The following GRHPR variants were observed in gnomAD, a reference collection of about 807,000 sequenced individuals.
GRHPR encodes glyoxylate and hydroxypyruvate reductase.
A neutral mutation model predicts 36.8 loss-of-function variants in GRHPR; 35 were observed. The observed-to-expected ratio is 0.95, with a 90% CI of 0.73 to 1.26. The LOEUF is 1.26. Ranked by LOEUF, GRHPR falls within the 50% of genes most tolerant of loss-of-function variation. The pLI is 0.00. For missense variants in GRHPR, 380 were observed against 435.0 expected, an observed-to-expected ratio of 0.87 and a Z score of 1.12; for synonymous variants, 179 against 181.0, an observed-to-expected ratio of 0.99 and a Z score of 0.09.
chr9:37,430,652 C>G lies in GRHPR; in HGVS notation c.734+6C>G. ...GTGTTCATCAACATCAGCAGGTATC[C>G]TAGGGCCACCTTACCCAGCAAGCCT... On this transcript the variant is annotated splice_donor_region_variant and intron_variant, in intron 7 of 8. Transcript: ENST00000318158. 3 of 1,612,908 alleles carry G rather than the reference C, an allele frequency of 1.9e-6. No homozygotes were observed. The highest frequency in any genetic ancestry group is 2.5e-6 in the Non-Finnish European group (3 of 1,179,004).
chr9:37,432,125 C>T lies in GRHPR; in HGVS notation c.852C>T (p.Thr284=), dbSNP rs375012546. ...TGCCTACAAACCACCCTCTCCTGAC[C>T]CTGAAGAACTGTGGTAAGAACTGCA... ...EPLPTNHPLL[T]LKNCVILPHI... is the part of the protein sequence containing the mutation. The change falls in exon 8 of 9, where the codon ACC becomes ACT. Residue 284 remains threonine, a synonymous_variant. Transcript: ENST00000318158. 2.7e-5 allele frequency: 43 copies of T among 1,613,848 alleles called. No individual in the cohort carries two copies. The highest frequency in any genetic ancestry group is 3.6e-5 in the Non-Finnish European group (42 of 1,179,882).
downstream of GRHPR, among the ~76,000 whole-genome samples, chr9:37,437,679 C>A (rs573637873): frequency 6.2e-3 from 576 of 92,636 alleles, 10 homozygotes; most frequent in South Asian, 0.055. Context: ...TCCCTGCCCC[C>A]AGGTGGATTT....
rs1823068984 is a variant in GRHPR, at chr9:37,426,210, A to G, written c.287+216A>G. On this transcript the variant is annotated intron_variant, in intron 3 of 8. Transcript: ENST00000318158. ...ACTTCTGTGTAGGTGGCACCCTTTC[A>G]CATTCATTATCTTTTTTGATCCCCA... The G allele has an allele frequency of 2.8e-5, 17 of 608,726 alleles. No individual in the cohort carries two copies. In the East Asian group the frequency reaches 4.7e-4, roughly 17 times the overall value. 37.7% of individuals were successfully genotyped at this position (608,726 alleles called of 1,614,324 possible).
At chr9:37,430,364 C>G (rs931057399) in intron 6 of GRHPR, 147 bp from the exon 7 acceptor site, 2 of 748,422 alleles carry the variant, frequency 2.7e-6, no homozygotes, top group Admixed American at 3.8e-5. Flanking sequence ...TTTGTGCACT[C>G]ATGAGAGTTG....
intron 6 of GRHPR, 107 bp from the exon 7 acceptor site, chr9:37,430,404 A>C: frequency 1.1e-6 from 1 of 929,326 alleles, no homozygotes; most frequent in Non-Finnish European, 1.8e-6. Flanking sequence ...TTCAGGAAGC[A>C]TCTTGGGAGT....
chr9:37,426,104 T>C (rs1170136486), intron 3 of GRHPR, 110 bp downstream of exon 3: 1 of 786,070 alleles, frequency 1.3e-6, no homozygotes, highest in Non-Finnish European at 2.3e-6. Context: ...TCAGGGAGAA[T>C]GTGAGGTGGC....
At chr9:37,428,294 G>A (rs1588755065) in intron 4 of GRHPR, 190 bp from the exon 5 acceptor site, 1 of 637,748 alleles carries the variant, frequency 1.6e-6, no homozygotes, top group African/African-American at 1.8e-5. Context: ...TATGTCTCTG[G>A]TGGCTTTAAA....
At chr9:37,437,933 A>AAGAC (rs1261526776), downstream of GRHPR, among the ~76,000 whole-genome samples, 1 of 152,216 alleles carries the variant, frequency 6.6e-6, no homozygotes, top group African/African-American at 2.4e-5. Context: ...GCGTAGCTCA[A>AAGAC]AGACAGAAAA....
chr9:37,435,837 T>A (rs939896667), intron 8 of GRHPR, among the ~76,000 whole-genome samples: 6 of 152,188 alleles, frequency 3.9e-5, no homozygotes, highest in African/African-American at 1.4e-4. Context: ...GATGTCTCGC[T>A]ATGTGGTCCA....
intron 8 of GRHPR, among the ~76,000 whole-genome samples, chr9:37,433,536 T>C (rs950401495): frequency 2.0e-5 from 3 of 152,080 alleles, no homozygotes; most frequent in Non-Finnish European, 2.9e-5. Flanking sequence ...CCAATTCTCA[T>C]ACTTTTGAGT....
intron 8 of GRHPR, chr9:37,434,025 G>GCCC: frequency 8.1e-6 from 3 of 372,114 alleles, no homozygotes; most frequent in East Asian, 3.9e-5. Flanking sequence ...CAGGAAAACT[G>GCCC]CCCTCCCACC....
chr9:37,432,365 G>A (rs1410292831), intron 8 of GRHPR: 1 of 496,164 alleles, frequency 2.0e-6, no homozygotes, highest in African/African-American at 1.9e-5. Flanking sequence ...ACAGAATGTA[G>A]GTGTGAGTGG....
chr9:37,428,346 A>C (rs1379810362), intron 4 of GRHPR, 138 bp from the exon 5 acceptor site: 4 of 688,916 alleles, frequency 5.8e-6, no homozygotes, highest in African/African-American at 1.8e-5. Flanking sequence ...GCCGAGTGGC[A>C]GTGCCTCATC....
At chr9:37,429,491 C>T in intron 5 of GRHPR, 4 of 572,296 alleles carry the variant, frequency 7.0e-6, no homozygotes, top group East Asian at 3.1e-5. Flanking sequence ...CAGCATCAGC[C>T]AGTCACAGCC....
downstream of GRHPR, chr9:37,438,247 A>G (rs1588770896): frequency 6.6e-6 from 1 of 152,642 alleles, no homozygotes; most frequent in East Asian, 1.9e-4. Context: ...TGATCACGCC[A>G]GACTATAATT....
Position 37,436,895 on chromosome 9 carries a change from GGAAA to G in GRHPR, c.*116_*119del. ...GCCAAGGGAAGGTGTGATTCTCTGA[GGAAA>G]GAGTGATTCTGATATATGTACTTGT... On this transcript the variant is annotated 3_prime_UTR_variant, in exon 9 of 9. Transcript: ENST00000318158. 1 of 1,172,720 alleles carries G rather than the reference GGAAA, an allele frequency of 8.5e-7. No individual in the cohort carries two copies. The highest frequency in any genetic ancestry group is 1.3e-6 in the Non-Finnish European group (1 of 781,954). 72.6% of individuals were successfully genotyped at this position (1,172,720 alleles called of 1,614,324 possible). A position where few individuals can be genotyped will look rare whatever the true frequency, so the allele number is the denominator to read the frequency against.
intron 3 of GRHPR, 182 bp from the exon 4 acceptor site, chr9:37,426,356 C>A: frequency 3.0e-6 from 2 of 676,068 alleles, no homozygotes. Context: ...CATATCCTTC[C>A]AAAGTGGGAG....
At chr9:37,429,025 C>T (rs780954430) in intron 5 of GRHPR, 6 of 321,662 alleles carry the variant, frequency 1.9e-5, no homozygotes, top group South Asian at 8.0e-5. Flanking sequence ...CACTTTTCTT[C>T]CAGTGGCCCT....
At chr9:37,424,241 C>G (rs1436949837) in intron 1 of GRHPR, among the ~76,000 whole-genome samples, 12 of 152,222 alleles carry the variant, frequency 7.9e-5, no homozygotes, top group Admixed American at 7.9e-4. Flanking sequence ...GTGCCCTGGG[C>G]TCAGTCAGGA....
Sources: gnomAD v4.1 joint callset for allele counts (sites outside exome capture counted in the v4.1 genomes callset) on GRCh38, gnomAD v4.1.1 for gene constraint, MANE v1.5 for transcripts, NCBI Gene and HGNC (gene_info 2026-07-23, HGNC 2026-07-21) for gene names.